C6orf62: variants seen among roughly 807,000 people sequenced by gnomAD.
C6orf62 encodes uncharacterized protein C6orf62.
In C6orf62, 16 loss-of-function variants were observed where a neutral mutation model predicts 26.8. The ratio of observed to expected loss-of-function variants is 0.60; its 90% CI spans 0.40 to 0.91. The LOEUF is 0.91. Among genes scored for constraint, C6orf62 ranks in the 40% least tolerant of loss-of-function variants. C6orf62 has a pLI of 0.00. For synonymous variants in C6orf62, 112 were observed against 91.5 expected, an observed-to-expected ratio of 1.22 and a Z score of -1.28; for missense variants, 192 against 271.4, an observed-to-expected ratio of 0.71 and a Z score of 2.06.
rs1201333687 is a variant in C6orf62 at position 24,714,314 on chromosome 6, A to G, written c.429+4T>C. 6.3e-7 allele frequency: 1 copy of G among 1,598,720 alleles called. No homozygotes were observed. The highest frequency in any genetic ancestry group is 2.2e-5 in the East Asian group (1 of 44,690). On this transcript the variant is annotated splice_donor_region_variant and intron_variant, in intron 3 of 4. Coordinates refer to ENST00000378119, the MANE Select transcript of C6orf62 (RefSeq NM_030939.5). ...AATACTCATCACACTTTAGACCAAAATACCTGAACAGGCCTAAAAGGCTCA... is the reference window on the plus strand; with the variant it reads ...AATACTCATCACACTTTAGACCAAAGTACCTGAACAGGCCTAAAAGGCTCA...
chr6:24,717,064 G>C (rs1231957642), intron 1 of C6orf62, among the ~76,000 whole-genome samples: 1 of 152,046 alleles, frequency 6.6e-6, no homozygotes, highest in Non-Finnish European at 1.5e-5. Flanking sequence ...AGCACACCAA[G>C]TTCTCTTTTA....
chr6:24,706,323 G>T, intron 4 of C6orf62, 61 bp from the exon 5 acceptor site: 1 of 1,588,136 alleles, frequency 6.3e-7, no homozygotes. Context: ...ACTGTCACAT[G>T]AAGTCCATTT....
chr6:24,716,656 T>C (rs1235545698), intron 1 of C6orf62, among the ~76,000 whole-genome samples: 5 of 152,218 alleles, frequency 3.3e-5, no homozygotes, highest in Non-Finnish European at 7.4e-5. Context: ...AATAGTTTTA[T>C]TCCTTATATG....
At chr6:24,709,414 G>GAA (rs200191631) in intron 3 of C6orf62, 4,268 of 817,450 alleles carry the variant, frequency 5.2e-3, no homozygotes, top group Middle Eastern at 9.2e-3. Context: ...CTGTTTCTAA[G>GAA]AAAAAAAAAA....
chr6:24,713,694 A>T (rs1779170864), intron 3 of C6orf62, among the ~76,000 whole-genome samples: 1 of 152,222 alleles, frequency 6.6e-6, no homozygotes, highest in Non-Finnish European at 1.5e-5. Flanking sequence ...CTGACCTACA[A>T]CTAAGCATAA....
intron 4 of C6orf62, 81 bp from the exon 5 acceptor site, chr6:24,706,343 T>G (rs1373632720): frequency 1.0e-5 from 16 of 1,548,358 alleles, no homozygotes; most frequent in Non-Finnish European, 1.4e-5. Flanking sequence ...TCCCACAATT[T>G]ATTAAACATC....
chr6:24,718,377 T>G (rs2127636787), intron 1 of C6orf62, among the ~76,000 whole-genome samples, 163 bp downstream of exon 1: 1 of 152,312 alleles, frequency 6.6e-6, no homozygotes, highest in Non-Finnish European at 1.5e-5. Flanking sequence ...CTGCAACTGC[T>G]CAATTCACAG....
chr6:24,720,505 GAAA>G (rs1779335587), upstream of C6orf62: 1 of 510,540 alleles, frequency 2.0e-6, no homozygotes, highest in Non-Finnish European at 2.6e-6. Flanking sequence ...AACAGGGAGA[GAAA>G]AAGAAAAAGA....
chr6:24,711,257 A>ACACACAC lies in C6orf62; in HGVS notation c.430-2347_430-2346insGTGTGTG, dbSNP rs1554192457. On this transcript the variant is annotated intron_variant, in intron 3 of 4. Coordinates refer to ENST00000378119, the MANE Select transcript of C6orf62 (RefSeq NM_030939.5). ...GAAATGGTACACACACACACACACAAACACACACACACAACTTCTCATAAG... is the reference window on the plus strand; with the variant it reads ...GAAATGGTACACACACACACACACAACACACACACACACACACACAACTTCTCATAAG... Among the ~76,000 whole-genome samples, 652 of 151,056 alleles carry ACACACAC rather than the reference A, an allele frequency of 4.3e-3. 7 individuals are homozygous for ACACACAC. Among genetic ancestry groups the ACACACAC allele is most frequent in the East Asian group, 0.024 (126 of 5,154 alleles).
chr6:24,708,255 T>A (rs1407248831), intron 4 of C6orf62, among the ~76,000 whole-genome samples: 5 of 146,030 alleles, frequency 3.4e-5, no homozygotes, highest in Non-Finnish European at 3.0e-5. Flanking sequence ...TTTTCCCGTT[T>A]AAAAAAAAAA....
At position 24,718,830 on chromosome 6, in the gene C6orf62, A is replaced by G. The variant is rs184810470; in HGVS notation, c.-162T>C. 4.5e-5 allele frequency: 66 copies of G among 1,481,454 alleles called. No individual in the cohort carries two copies. The East Asian group carries it at 7.9e-4, about 18-fold the overall frequency. The allele number at this position is 1,481,454 out of a possible 1,614,324, so 91.8% of individuals were successfully genotyped here. On this transcript the variant is annotated 5_prime_UTR_variant, in exon 1 of 5. Coordinates refer to ENST00000378119, the MANE Select transcript of C6orf62 (RefSeq NM_030939.5). ...AACCCAAAAACTGCACCTTCTGTCA[A>G]TATTAGCAGACTGTCATATTACAGG...
chr6:24,717,397 A>G (rs932680413), intron 1 of C6orf62, among the ~76,000 whole-genome samples: 7 of 152,224 alleles, frequency 4.6e-5, no homozygotes, highest in African/African-American at 1.2e-4. Context: ...CCTTGATACC[A>G]CCCAATCTTG....
chr6:24,708,661 T>G, intron 4 of C6orf62, 116 bp downstream of exon 4: 2 of 1,406,726 alleles, frequency 1.4e-6, no homozygotes, highest in South Asian at 2.4e-5. Context: ...TTAAATAACT[T>G]CAAAAATAAT....
At position 24,716,241 on chromosome 6, in the gene C6orf62, C is replaced by T. The variant is rs1313767566; in HGVS notation, c.213G>A (p.Val71=). 1.2e-6 allele frequency: 2 copies of T among 1,613,732 alleles called. No homozygotes were observed. Among genetic ancestry groups the T allele is most frequent in the Non-Finnish European group, 8.5e-7 (1 of 1,179,610 alleles). ...NNYEENILKG[V]RDSSYSLESS... is the part of the protein sequence containing the mutation. ...TTTCCAAGGAATAGCTGGAATCTCG[C>T]ACACCTTTCAGGATATTTTCTTCAT... Residue 71 remains valine (V), a synonymous_variant, in exon 2 of 5, where the codon GTG becomes GTA. Transcript: ENST00000378119.
chr6:24,716,226 A>G lies in C6orf62; in HGVS notation c.228T>C (p.Tyr76=). ...NILKGVRDSS[Y]SLESSLELLQ... ...AAAGCTCTAGGGAACTTTCCAAGGA[A>G]TAGCTGGAATCTCGCACACCTTTCA... The change falls in exon 2 of 5, where the codon TAT becomes TAC. Residue 76 remains tyrosine (Y), a synonymous_variant. Coordinates refer to ENST00000378119, the MANE Select transcript of C6orf62 (RefSeq NM_030939.5). The G allele has an allele frequency of 1.9e-6, 3 of 1,613,670 alleles. No homozygotes were observed. The highest frequency in any genetic ancestry group is 2.5e-6 in the Non-Finnish European group (3 of 1,179,536).
At chr6:24,714,532 T>C in intron 2 of C6orf62, 92 bp from the exon 3 acceptor site, 1 of 883,590 alleles carries the variant, frequency 1.1e-6, no homozygotes. Flanking sequence ...TATAAAAACA[T>C]TTTATAAGTA....
intron 3 of C6orf62, 50 bp from the exon 4 acceptor site, chr6:24,708,961 CCTATCTGCAT>C (rs1386519542): frequency 6.2e-7 from 1 of 1,610,496 alleles, no homozygotes; most frequent in Non-Finnish European, 8.5e-7. Flanking sequence ...AGTTATACTA[CCTATCTGCAT>C]CTATATGCTA....
chr6:24,719,350 T>C (rs1779305662), upstream of C6orf62: 2 of 1,001,774 alleles, frequency 2.0e-6, no homozygotes, highest in Admixed American at 5.5e-5. Context: ...CACTTGGTGG[T>C]GAGCATAGAG....
upstream of C6orf62, chr6:24,720,714 G>C (rs900391526): frequency 6.6e-6 from 1 of 152,470 alleles, no homozygotes; most frequent in African/African-American, 2.4e-5. Flanking sequence ...GACCCGGAGG[G>C]GGGAAAAGCC....
Sources: gnomAD v4.1 joint callset for allele counts (sites outside exome capture counted in the v4.1 genomes callset) on GRCh38, gnomAD v4.1.1 for gene constraint, MANE v1.5 for transcripts, NCBI Gene and HGNC (gene_info 2026-07-23, HGNC 2026-07-21) for gene names.